The following ANKRD11 variants were observed in gnomAD, a reference collection of about 807,000 sequenced individuals.
ANKRD11 encodes the protein ankyrin repeat domain 11, also known as ankyrin repeat domain-containing protein 11.
ANKRD11 carries 17 observed loss-of-function variants against 195.7 expected under a neutral mutation model. The observed-to-expected ratio is 0.09, with a 90% CI of 0.06 to 0.13. ANKRD11 has a LOEUF of 0.13. Ranked by LOEUF, ANKRD11 falls within the 10% of genes least tolerant of loss-of-function variation. The pLI, the probability that ANKRD11 is intolerant of heterozygous loss-of-function variation, is 1.00. For missense variants in ANKRD11, 3,735 were observed against 3,566.1 expected (o/e 1.05, Z -1.21); for synonymous variants, 1,953 against 1,528.1 (o/e 1.28, Z -6.49).
intron 1 of ANKRD11, among the ~76,000 whole-genome samples, chr16:89,457,586 GA>G (rs34361547): frequency 0.011 from 1,395 of 125,846 alleles, 23 homozygotes; most frequent in African/African-American, 0.038. Flanking sequence ...TCCGTCTCAA[GA>G]AAAAAAAAAA....
At chr16:89,322,694 G>T (rs2037403537) in intron 2 of ANKRD11, among the ~76,000 whole-genome samples, 2 of 152,240 alleles carry the variant, frequency 1.3e-5, no homozygotes, top group African/African-American at 4.8e-5. Flanking sequence ...GGGGAAGGGG[G>T]AGTGAGGAGG....
At position 89,301,423 on chromosome 16, in the gene ANKRD11, A is replaced by G. The variant is rs186599243; in HGVS notation, c.226+3783T>C. The G allele has an allele frequency of 1.3e-3, 500 of 397,398 alleles. 2 individuals carry two copies. Among genetic ancestry groups the G allele is most frequent in the African/African-American group, 9.3e-3 (451 of 48,756 alleles). 24.6% of individuals were successfully genotyped at this position (397,398 alleles called of 1,614,324 possible). ...GACCACCCTTGAGGTGGTAGAGGAC[A>G]GACTTCAAAAGCAGATACAAGAGGC... On this transcript the variant is annotated intron_variant, in intron 4 of 12. Coordinates refer to ENST00000301030, the MANE Select transcript of ANKRD11 (RefSeq NM_013275.6).
intron 1 of ANKRD11, among the ~76,000 whole-genome samples, chr16:89,427,394 CAA>C (rs937309038): frequency 3.9e-5 from 6 of 152,104 alleles, no homozygotes; most frequent in African/African-American, 1.2e-4. Flanking sequence ...GGCCTTTTTT[CAA>C]AAGTGATCCA....
At chr16:89,473,646 G>T (rs1373926148) in intron 1 of ANKRD11, among the ~76,000 whole-genome samples, 4 of 152,180 alleles carry the variant, frequency 2.6e-5, no homozygotes, top group African/African-American at 9.7e-5. Flanking sequence ...AGACTGATAC[G>T]TCATGGAGGA....
chr16:89,327,069 G>GAATGCAGAAGTTGGA (rs1567652847), intron 2 of ANKRD11, among the ~76,000 whole-genome samples: 3 of 39,022 alleles, frequency 7.7e-5, no homozygotes, highest in African/African-American at 3.2e-4. Flanking sequence ...CAGAGGTGGG[G>GAATGCAGAAGTTGGA]AATGCAGAGG....
rs139526396 is a variant in ANKRD11, at chr16:89,486,112, A to G, written c.-145+4133T>C. ...CTCTTGTTCTGCCTTAATTGTGAAA[A>G]CTGTCTTCCCACCTTTATCTAAGTT... On this transcript the variant is annotated intron_variant, in intron 1 of 12. Transcript: ENST00000301030. 3.6e-3 allele frequency among the ~76,000 whole-genome samples: 545 copies of G among 152,240 alleles called. 8 individuals carry two copies. The highest frequency in any genetic ancestry group is 0.012 in the African/African-American group (519 of 41,538).
chr16:89,286,993 C>G (rs747652412), intron 7 of ANKRD11: 19 of 1,289,758 alleles, frequency 1.5e-5, no homozygotes, highest in Non-Finnish European at 1.9e-5. Context: ...TGAATCAGTA[C>G]AGAGTTCTTA....
chr16:89,368,369 G>GTT (rs2040039884), intron 2 of ANKRD11, among the ~76,000 whole-genome samples: 1 of 42,190 alleles, frequency 2.4e-5, no homozygotes, highest in Admixed American at 3.2e-4. Context: ...GCTAATTTTT[G>GTT]TGTTTTTTTT....
At chr16:89,274,108 C>T (rs2033427435) in intron 11 of ANKRD11, among the ~76,000 whole-genome samples, 1 of 152,206 alleles carries the variant, frequency 6.6e-6, no homozygotes, top group Non-Finnish European at 1.5e-5. Context: ...AGGATGATTT[C>T]TGAGGCAGGA....
chr16:89,451,895 G>A lies in ANKRD11; in HGVS notation c.-144-33527C>T, dbSNP rs867490258. 5.9e-5 allele frequency among the ~76,000 whole-genome samples: 9 copies of A among 152,286 alleles called. No homozygotes were observed. In the Middle Eastern group the frequency reaches 0.017, roughly 288 times the overall value. ...CTAAGACCTAAAGTTTAGGGTACAA[G>A]CTGAAATAAAATCCTAAAAAATCTT... is the stretch of plus-strand genomic sequence containing the variant. On this transcript the variant is annotated intron_variant, in intron 1 of 12. Coordinates refer to ENST00000301030, the MANE Select transcript of ANKRD11 (RefSeq NM_013275.6).
At chr16:89,458,396 T>C (rs2056528973) in intron 1 of ANKRD11, among the ~76,000 whole-genome samples, 2 of 152,126 alleles carry the variant, frequency 1.3e-5, no homozygotes, top group African/African-American at 4.8e-5. Flanking sequence ...GGCTAATTTT[T>C]TGTATTTTTA....
rs754914414 is a variant in ANKRD11 at position 89,279,905 on chromosome 16, G to A, written c.6637C>T (p.Leu2213=). 6.8e-6 allele frequency: 11 copies of A among 1,608,788 alleles called. No individual in the cohort carries two copies. Among genetic ancestry groups the A allele is most frequent in the East Asian group, 2.2e-5 (1 of 44,832 alleles). ...LEPEPSGEPK[L]DVALEAAVEA... is the part of the protein sequence containing the mutation. Reference sequence around the variant, plus strand: ...ACCGCAGCTTCTAGAGCCACGTCCAGCTTTGGCTCCCCTGAGGGCTCAGGC... The same window carrying A: ...ACCGCAGCTTCTAGAGCCACGTCCAACTTTGGCTCCCCTGAGGGCTCAGGC... The change falls in exon 9 of 13, where the codon CTG becomes TTG. Residue 2213 remains leucine, a synonymous_variant. Coordinates refer to ENST00000301030, the MANE Select transcript of ANKRD11 (RefSeq NM_013275.6). This position sits in a 1 kb window ranked among gnomAD's most constrained non-coding sequence, Gnocchi z 5.6.
intron 2 of ANKRD11, among the ~76,000 whole-genome samples, chr16:89,318,388 CAGTT>C (rs1158600547): frequency 6.6e-6 from 1 of 152,224 alleles, no homozygotes; most frequent in Non-Finnish European, 1.5e-5. Context: ...GCCGCACCGT[CAGTT>C]AGAAAACATT....
rs2041340712 is a variant in ANKRD11, at chr16:89,394,554, G to A, written c.-60+23730C>T. On this transcript the variant is annotated intron_variant, in intron 2 of 12. Transcript: ENST00000301030. ...GAGGCAGGAGAATCGCTTGAACCCA[G>A]GAGGCGGAGGTTGCAGTGAGCCAGT... is the stretch of plus-strand genomic sequence containing the variant. Among the ~76,000 whole-genome samples the A allele has an allele frequency of 2.0e-5, 3 of 152,012 alleles. No individual in the cohort carries two copies. In the South Asian group the frequency reaches 6.2e-4, roughly 31 times the overall value.
At chr16:89,457,672 G>C (rs1229710750) in intron 1 of ANKRD11, among the ~76,000 whole-genome samples, 2 of 152,056 alleles carry the variant, frequency 1.3e-5, no homozygotes, top group African/African-American at 4.8e-5. Flanking sequence ...AAGTGGGCTG[G>C]CAGTGCTTGG....
chr16:89,271,940 C>T (rs991569760), intron 11 of ANKRD11: 2 of 152,082 alleles, frequency 1.3e-5, no homozygotes, highest in Non-Finnish European at 2.9e-5. Context: ...AGGACACAGT[C>T]AACAGGGTGA....
intron 1 of ANKRD11, among the ~76,000 whole-genome samples, chr16:89,428,566 C>T (rs1250020585): frequency 6.6e-6 from 1 of 151,834 alleles, no homozygotes; most frequent in African/African-American, 2.4e-5. Context: ...TAAAATTCTG[C>T]AATAACCAAC....
intron 2 of ANKRD11, chr16:89,324,792 C>T (rs1376090643): frequency 3.4e-6 from 1 of 290,740 alleles, no homozygotes; most frequent in South Asian, 2.9e-5. Context: ...CTGTTGGCTT[C>T]CCGACTTTTG....
intron 11 of ANKRD11, chr16:89,272,937 A>G (rs1166967755): frequency 6.6e-6 from 1 of 152,116 alleles, no homozygotes; most frequent in Non-Finnish European, 1.5e-5. Context: ...TGTGGGATCT[A>G]AAAATCAGAA....
Sources: allele counts gnomAD v4.1 joint callset (sites outside exome capture counted in the v4.1 genomes callset), GRCh38; gene constraint gnomAD v4.1.1; non-coding constraint Gnocchi (gnomAD v3.1); transcripts MANE v1.5; gene names NCBI Gene and HGNC (gene_info 2026-07-23, HGNC 2026-07-21).